The following MOGAT1 variants were observed in gnomAD, a reference collection of about 807,000 sequenced individuals.
MOGAT1 encodes the protein monoacylglycerol O-acyltransferase 1.
A neutral mutation model predicts 31.4 loss-of-function variants in MOGAT1; 32 were observed. The ratio of observed to expected loss-of-function variants is 1.02; its 90% confidence interval spans 0.77 to 1.37. The LOEUF is 1.37. Ranked by LOEUF, MOGAT1 falls within the 40% of genes most tolerant of loss-of-function variation. The pLI is 0.00. For missense variants in MOGAT1, 426 were observed against 402.0 expected, an observed-to-expected ratio of 1.06 and a Z score of -0.51; for synonymous variants, 145 against 144.5, an observed-to-expected ratio of 1.00 and a Z score of -0.03.
intron 5 of MOGAT1, among the ~76,000 whole-genome samples, chr2:222,702,012 C>T (rs968772432): frequency 6.6e-6 from 1 of 152,196 alleles, no homozygotes; most frequent in Admixed American, 6.5e-5. Flanking sequence ...ACTCCAGGTG[C>T]TAGGCAAATG....
At chr2:222,702,841 A>AAAAC (rs1313931186) in intron 5 of MOGAT1, among the ~76,000 whole-genome samples, 2 of 152,008 alleles carry the variant, frequency 1.3e-5, no homozygotes, top group African/African-American at 4.8e-5. Flanking sequence ...AAAACCACAA[A>AAAAC]AAACAAACAA....
Position 222,689,283 on chromosome 2 carries a change from T to G in MOGAT1, c.292T>G (p.Leu98Val). The change falls in exon 3 of 6, where the codon TTG becomes GTG. Residue 98 changes from leucine (L) to valine (V), a missense_variant. Coordinates refer to ENST00000446656, the MANE Select transcript of MOGAT1 (RefSeq NM_058165.3). ...FPIHLIKTQDLDPSHNYIFGF... is the reference protein window; with the variant it reads ...FPIHLIKTQDVDPSHNYIFGF... ...GCTGTAGCTTATCAAAACTCAAGATTTGGATCCAAGTCACAACTATATATT... is the reference window on the plus strand; with the variant it reads ...GCTGTAGCTTATCAAAACTCAAGATGTGGATCCAAGTCACAACTATATATT... The G allele has an allele frequency of 6.2e-7, 1 of 1,613,596 alleles. No homozygotes were observed.
At position 222,689,318 on chromosome 2, in the gene MOGAT1, C is replaced by T. The variant is rs537274897; in HGVS notation, c.327C>T (p.His109=). 3 of 1,613,974 alleles carry T rather than the reference C, an allele frequency of 1.9e-6. No individual in the cohort carries two copies. Among genetic ancestry groups the T allele is most frequent in the East Asian group, 2.2e-5 (1 of 44,884 alleles). ...DPSHNYIFGF[H]PHGIMAVGAF... ...GTCACAACTATATATTTGGGTTTCACCCCCATGGAATAATGGCAGTTGGAG... is the reference window on the plus strand; with the variant it reads ...GTCACAACTATATATTTGGGTTTCATCCCCATGGAATAATGGCAGTTGGAG... Residue 109 remains histidine (H), a synonymous_variant, in exon 3 of 6, where the codon CAC becomes CAT. Transcript: ENST00000446656.
intron 3 of MOGAT1, among the ~76,000 whole-genome samples, chr2:222,691,643 A>G (rs1049177768): frequency 1.3e-4 from 20 of 152,176 alleles, no homozygotes; most frequent in Non-Finnish European, 2.2e-4. Flanking sequence ...AGAATTATCT[A>G]TACTTCCCAG....
In MOGAT1 at chr2:222,694,994, A is replaced by T. The variant is rs955319921; in HGVS notation, c.654-95A>T. 9 of 962,358 alleles carry T rather than the reference A, an allele frequency of 9.4e-6. No individual in the cohort carries two copies. The Admixed American group carries it at 1.0e-4, about 11-fold the overall frequency. The allele number at this position is 962,358 out of a possible 1,614,324, so 59.6% of individuals were successfully genotyped here. A position where few individuals can be genotyped will look rare whatever the true frequency, so the allele number is the denominator to read the frequency against. ...AGGAAGGCTTGGGCACATTTAAAAA[A>T]TTTTTCAGAAGTTGTTGCAAGAGTC... On this transcript the variant is annotated intron_variant, in intron 4 of 5. Transcript: ENST00000446656.
At chr2:222,687,143 AG>A (rs1559230163) in intron 1 of MOGAT1, among the ~76,000 whole-genome samples, 16 of 61,460 alleles carry the variant, frequency 2.6e-4, no homozygotes, top group African/African-American at 7.4e-4. Flanking sequence ...AAAAAAAGAA[AG>A]AACAAGAAAG....
intron 1 of MOGAT1, among the ~76,000 whole-genome samples, chr2:222,675,584 A>C (rs1462248651): frequency 1.4e-5 from 2 of 144,420 alleles, no homozygotes; most frequent in Non-Finnish European, 3.0e-5. Flanking sequence ...GGTTCATGCC[A>C]TTCTCCTGCC....
At chr2:222,686,948 A>C (rs971277641) in intron 1 of MOGAT1, among the ~76,000 whole-genome samples, 2 of 151,924 alleles carry the variant, frequency 1.3e-5, no homozygotes, top group African/African-American at 4.8e-5. Context: ...CCCTGTCTCT[A>C]CTAAAAAATA....
intron 1 of MOGAT1, among the ~76,000 whole-genome samples, chr2:222,683,727 A>G (rs1309482691): frequency 6.7e-6 from 1 of 149,302 alleles, no homozygotes; most frequent in Admixed American, 6.7e-5. Flanking sequence ...ACTCCGTTTC[A>G]AAAAAAAAAG....
intron 5 of MOGAT1, among the ~76,000 whole-genome samples, chr2:222,700,281 C>T (rs1002107784): frequency 2.0e-5 from 3 of 152,196 alleles, no homozygotes; most frequent in Non-Finnish European, 2.9e-5. Context: ...CATTTGATAT[C>T]GCCCAGTTAT....
chr2:222,677,789 C>T (rs1692521020), intron 1 of MOGAT1: 1 of 305,118 alleles, frequency 3.3e-6, no homozygotes, highest in Non-Finnish European at 6.6e-6. Flanking sequence ...TAATGGAAAG[C>T]TTAATCTACA....
At chr2:222,692,722 T>C (rs79036090) in intron 3 of MOGAT1, among the ~76,000 whole-genome samples, 4 of 151,880 alleles carry the variant, frequency 2.6e-5, no homozygotes, top group Non-Finnish European at 5.9e-5. Flanking sequence ...TAGATGAGGT[T>C]AGAGGACAAG....
Position 222,689,435 on chromosome 2 carries a change from G to T in MOGAT1, c.444G>T (p.Trp148Cys). 1 of 1,614,004 alleles carries T rather than the reference G, an allele frequency of 6.2e-7. No individual in the cohort carries two copies. The highest frequency in any genetic ancestry group is 8.5e-7 in the Non-Finnish European group (1 of 1,179,896). ...SYLHVLPLWF[W>C]CPVFREYVMS... ...TTCACGTGCTGCCACTTTGGTTCTGGTGTCCTGTCTTTCGAGAATATGTGA... is the reference window on the plus strand; with the variant it reads ...TTCACGTGCTGCCACTTTGGTTCTGTTGTCCTGTCTTTCGAGAATATGTGA... The change falls in exon 3 of 6, where the codon TGG (tryptophan) becomes TGT (cysteine). Residue 148 changes from tryptophan (W) to cysteine (C), a missense_variant. Physicochemically the swap from Trp to Cys is radical, Grantham distance 215. Coordinates refer to ENST00000446656, the MANE Select transcript of MOGAT1 (RefSeq NM_058165.3).
At chr2:222,695,381 G>A in intron 5 of MOGAT1, 93 bp downstream of exon 5, 1 of 751,718 alleles carries the variant, frequency 1.3e-6, no homozygotes, top group East Asian at 2.9e-5. Context: ...GTGGCTTTGA[G>A]TAAGAACTTC....
At chr2:222,701,491 A>T (rs1252243059) in intron 5 of MOGAT1, among the ~76,000 whole-genome samples, 1 of 148,780 alleles carries the variant, frequency 6.7e-6, no homozygotes, top group Non-Finnish European at 1.5e-5. Flanking sequence ...AAAGAAAGAG[A>T]GAGTGGGGAG....
chr2:222,707,972 C>T (rs1261262413), intron 5 of MOGAT1, among the ~76,000 whole-genome samples: 1 of 152,196 alleles, frequency 6.6e-6, no homozygotes, highest in Non-Finnish European at 1.5e-5. Flanking sequence ...TACTGTGGGT[C>T]CCATTCATTA....
At chr2:222,687,113 C>CAAAAAAAAAAAAAAAA (rs1177781176) in intron 1 of MOGAT1, among the ~76,000 whole-genome samples, 3 of 22,446 alleles carry the variant, frequency 1.3e-4, no homozygotes, top group Admixed American at 7.4e-4. Context: ...GACTCCATCT[C>CAAAAAAAAAAAAAAAA]AAAAAAAAAA....
chr2:222,674,531 A>T (rs1692467293), intron 1 of MOGAT1, among the ~76,000 whole-genome samples: 1 of 151,944 alleles, frequency 6.6e-6, no homozygotes, highest in Non-Finnish European at 1.5e-5. Context: ...CATCATGGGG[A>T]TTGTACAGAT....
chr2:222,695,112 C>T lies in MOGAT1; in HGVS notation c.677C>T (p.Ser226Phe), dbSNP rs1453998064. 5 of 1,604,972 alleles carry T rather than the reference C, an allele frequency of 3.1e-6. No individual in the cohort carries two copies. Among genetic ancestry groups the T allele is most frequent in the Non-Finnish European group, 4.2e-6 (5 of 1,176,498 alleles). ...THGASLVPVV[S>F]FGENELFKQT... ...AGCGCCTCTCTGGTCCCAGTGGTTTCTTTTGGTGAAAATGAACTGTTTAAA... is the reference window on the plus strand; with the variant it reads ...AGCGCCTCTCTGGTCCCAGTGGTTTTTTTTGGTGAAAATGAACTGTTTAAA... The change falls in exon 5 of 6, where the codon TCT (serine) becomes TTT (phenylalanine). Residue 226 changes from serine to phenylalanine, a missense_variant. Coordinates refer to ENST00000446656, the MANE Select transcript of MOGAT1 (RefSeq NM_058165.3).
Sources: gnomAD v4.1 joint callset for allele counts (sites outside exome capture counted in the v4.1 genomes callset) on GRCh38, gnomAD v4.1.1 for gene constraint, MANE v1.5 for transcripts, NCBI Gene and HGNC (gene_info 2026-07-23, HGNC 2026-07-21) for gene names.